KMT5A: variants seen among roughly 807,000 people sequenced by gnomAD.
KMT5A encodes the protein lysine methyltransferase 5A.
KMT5A carries 6 observed loss-of-function variants against 40.6 expected under a neutral mutation model. The ratio of observed to expected loss-of-function variants is 0.15; its 90% CI spans 0.08 to 0.29. The LOEUF is 0.29. Among genes scored for constraint, KMT5A ranks in the 10% least tolerant of loss-of-function variants. The probability of loss-of-function intolerance (pLI) is 1.00; values close to 1 mark genes in which losing one functional copy is unlikely to be tolerated. For missense variants in KMT5A, 308 were observed against 459.1 expected, an observed-to-expected ratio of 0.67 and a Z score of 3.01; for synonymous variants, 153 against 178.8, an observed-to-expected ratio of 0.86 and a Z score of 1.15.
chr12:123,396,468 G>A (rs1394954922), intron 5 of KMT5A, 36 bp downstream of exon 5: 2 of 1,599,586 alleles, frequency 1.3e-6, no homozygotes, highest in African/African-American at 2.7e-5. Context: ...TTGTGGAGGG[G>A]CAGGGTGGCC....
At chr12:123,404,309 A>T (rs957094151) in intron 6 of KMT5A, among the ~76,000 whole-genome samples, 1 of 152,012 alleles carries the variant, frequency 6.6e-6, no homozygotes, top group Middle Eastern at 3.4e-3. Flanking sequence ...TTCCACTTCC[A>T]CCCACCACCT....
rs149508157 is a variant in KMT5A at position 123,395,465 on chromosome 12, G to A, written c.509+199G>A. Among the ~76,000 whole-genome samples, 632 of 152,198 alleles carry A rather than the reference G, an allele frequency of 4.2e-3. 4 individuals carry two copies. The highest frequency in any genetic ancestry group is 0.014 in the African/African-American group (582 of 41,520). ...GATCTGGCATGGGTCCAGAGTTCAA[G>A]AGCCTCTCCTTCCTCCCCTCCTTAC... On this transcript the variant is annotated intron_variant, in intron 4 of 7. Transcript: ENST00000402868.
In KMT5A at chr12:123,396,439, A is replaced by G. The variant is rs1282201003; in HGVS notation, c.597+7A>G. ...GAGCAAAGCCGAGCTGCAGGTAGTC[A>G]CGTGCTTTAAATTCCAGTTTGTGGA... On this transcript the variant is annotated splice_region_variant and intron_variant, in intron 5 of 7. Coordinates refer to ENST00000402868, the MANE Select transcript of KMT5A (RefSeq NM_020382.7). 2.5e-6 allele frequency: 4 copies of G among 1,613,842 alleles called. No homozygotes were observed. The highest frequency in any genetic ancestry group is 3.4e-6 in the Non-Finnish European group (4 of 1,179,876).
intron 1 of KMT5A, among the ~76,000 whole-genome samples, chr12:123,387,280 C>T (rs1876930894): frequency 6.6e-6 from 1 of 152,184 alleles, no homozygotes; most frequent in Non-Finnish European, 1.5e-5. Context: ...AGGTGCTAGA[C>T]TTGTAATGTG....
chr12:123,388,113 C>T (rs890779299), intron 1 of KMT5A, among the ~76,000 whole-genome samples: 2 of 152,220 alleles, frequency 1.3e-5, no homozygotes, highest in Non-Finnish European at 2.9e-5. Context: ...CCTCGTCTGC[C>T]TATGGGGGCA....
At chr12:123,390,516 C>A in intron 2 of KMT5A, 114 bp from the exon 3 acceptor site, 1 of 1,336,964 alleles carries the variant, frequency 7.5e-7, no homozygotes, top group Non-Finnish European at 1.0e-6. Flanking sequence ...CCTGGTAGCC[C>A]AGTTTTTGAA....
intron 5 of KMT5A, 151 bp from the exon 6 acceptor site, chr12:123,403,422 T>A: frequency 2.9e-6 from 2 of 698,484 alleles, no homozygotes; most frequent in Non-Finnish European, 4.9e-6. Flanking sequence ...GGCTTTGCCA[T>A]CACTGGGGAC....
chr12:123,396,603 G>A (rs1011969908), intron 5 of KMT5A, among the ~76,000 whole-genome samples, 171 bp downstream of exon 5: 1 of 152,164 alleles, frequency 6.6e-6, no homozygotes, highest in Non-Finnish European at 1.5e-5. Context: ...TCCTCACAAA[G>A]CTTGTCCTGC....
At chr12:123,396,484 A>G (rs2139181245) in intron 5 of KMT5A, 52 bp downstream of exon 5, 1 of 1,554,216 alleles carries the variant, frequency 6.4e-7, no homozygotes. Flanking sequence ...TGGCCCACCA[A>G]GCAGTGCTTG....
chr12:123,390,283 A>G (rs1593456563), intron 2 of KMT5A: 2 of 391,964 alleles, frequency 5.1e-6, no homozygotes, highest in East Asian at 6.8e-5. Context: ...CAGGGCAGTG[A>G]ACTCCTAAAG....
chr12:123,387,858 A>G (rs1876968811), intron 1 of KMT5A, among the ~76,000 whole-genome samples: 1 of 152,228 alleles, frequency 6.6e-6, no homozygotes, highest in African/African-American at 2.4e-5. Flanking sequence ...TGAGGCCCAG[A>G]CTGGGGAAGT....
intron 5 of KMT5A, among the ~76,000 whole-genome samples, chr12:123,398,315 G>C (rs1877895180): frequency 6.6e-6 from 1 of 152,010 alleles, no homozygotes; most frequent in Non-Finnish European, 1.5e-5. Context: ...CAGATGGTGA[G>C]GTGGTGCCAG....
intron 1 of KMT5A, chr12:123,388,894 G>C (rs1877033362): frequency 6.8e-6 from 1 of 147,092 alleles, no homozygotes; most frequent in Non-Finnish European, 1.5e-5. Context: ...GAGCGGCCTG[G>C]CGGCGCCGCC....
chr12:123,401,419 A>G (rs147804629), intron 5 of KMT5A, among the ~76,000 whole-genome samples: 12,261 of 151,130 alleles, frequency 0.081, 1,365 homozygotes, highest in African/African-American at 0.25. Context: ...AAGTGCTGGG[A>G]TAACAGGTGT....
chr12:123,389,499 C>T lies in KMT5A; in HGVS notation c.77C>T (p.Ala26Val). Residue 26 changes from alanine to valine, a missense_variant, in exon 2 of 8, where the codon GCC (alanine) becomes GTC (valine). Ala to Val is a moderately conservative substitution (Grantham distance 64). Around this residue, in one of 4 missense-constraint regions of KMT5A, gnomAD observed 92 missense variants for 78.3 expected, o/e 1.18. Transcript: ENST00000402868. ...AAAAAAVAAT[A>V]PGPEMVERRG... ...GCGGCGGCGGCGGTGGCAGCGACGG[C>T]CCCGGGCCCGGAGATGGTGGAGCGG... is the stretch of plus-strand genomic sequence containing the variant. The T allele has an allele frequency of 8.9e-7, 1 of 1,127,690 alleles. No homozygotes were observed. 69.9% of individuals were successfully genotyped at this position (1,127,690 alleles called of 1,614,324 possible).
intron 1 of KMT5A, chr12:123,389,014 CG>C (rs1458859399): frequency 7.0e-6 from 1 of 142,822 alleles, no homozygotes; most frequent in African/African-American, 2.5e-5. Context: ...TGCCTCGCCC[CG>C]GGCGGCCCGG....
At position 123,403,607 on chromosome 12, in the gene KMT5A, A is replaced by C; in HGVS notation, c.632A>C (p.Glu211Ala). The change falls in exon 6 of 8, where the codon GAA becomes GCA. Residue 211 changes from glutamate to alanine, a missense_variant. Glu to Ala is a moderately radical substitution (Grantham distance 107). Around this residue, in one of 4 missense-constraint regions of KMT5A, gnomAD observed 77 missense variants for 220.0 expected, o/e 0.35. Transcript: ENST00000402868. ...EERKRIDELIESGKEEGMKID... is the reference protein window; with the variant it reads ...EERKRIDELIASGKEEGMKID... ...AGGAAAAGAATAGATGAATTGATTG[A>C]AAGTGGGAAGGAAGAAGGAATGAAG... 6.2e-7 allele frequency: 1 copy of C among 1,614,212 alleles called. No homozygotes were observed. Among genetic ancestry groups the C allele is most frequent in the Non-Finnish European group, 8.5e-7 (1 of 1,180,024 alleles).
In KMT5A at chr12:123,395,215, C is replaced by G; in HGVS notation, c.458C>G (p.Ala153Gly). 2.5e-6 allele frequency: 4 copies of G among 1,613,632 alleles called. No homozygotes were observed. Among genetic ancestry groups the G allele is most frequent in the Non-Finnish European group, 3.4e-6 (4 of 1,179,832 alleles). ...TGTGATTCCACCAATGCAGCCATCG[C>G]CAAGCAAGCCCTGAAAAAGCCCATC... is the stretch of plus-strand genomic sequence containing the variant. Reference protein sequence around the residue: ...SSCDSTNAAIAKQALKKPIKG... With the variant: ...SSCDSTNAAIGKQALKKPIKG... The change falls in exon 4 of 8, where the codon GCC becomes GGC. Residue 153 changes from alanine to glycine, a missense_variant. By Grantham distance (60) the Ala-to-Gly change is moderately conservative. Around this residue, in one of 4 missense-constraint regions of KMT5A, gnomAD observed 127 missense variants for 129.8 expected, o/e 0.98. Transcript: ENST00000402868.
At chr12:123,389,621 G>A in intron 2 of KMT5A, 67 bp downstream of exon 2, 2 of 1,033,362 alleles carry the variant, frequency 1.9e-6, no homozygotes, top group Non-Finnish European at 2.3e-6. Flanking sequence ...GCACATGGGC[G>A]ACCCCGGGTA....
Sources: gnomAD v4.1 joint callset for allele counts (sites outside exome capture counted in the v4.1 genomes callset) on GRCh38, gnomAD v4.1.1 for gene constraint, gnomAD v4.1.1 regional missense constraint, MANE v1.5 for transcripts, NCBI Gene and HGNC (gene_info 2026-07-23, HGNC 2026-07-21) for gene names.